Variants in GUCY1A2 observed in about 807,000 individuals in gnomAD.
The protein encoded by GUCY1A2 is guanylate cyclase 1 soluble subunit alpha 2.
Under a neutral mutation model 63.5 loss-of-function variants are expected in GUCY1A2, and 27 were observed. The observed-to-expected ratio is 0.43, with a 90% confidence interval of 0.31 to 0.59. GUCY1A2 has a LOEUF of 0.59. Among genes scored for constraint, GUCY1A2 ranks in the 20% least tolerant of loss-of-function variants. The pLI, the probability that GUCY1A2 is intolerant of heterozygous loss-of-function variation, is 0.11. For missense variants in GUCY1A2, 768 were observed against 913.3 expected (o/e 0.84, Z 2.05); for synonymous variants, 364 against 343.5 (o/e 1.06, Z -0.66).
intron 5 of GUCY1A2, among the ~76,000 whole-genome samples, chr11:106,796,783 G>A (rs1864770352): frequency 6.6e-6 from 1 of 152,040 alleles, no homozygotes; most frequent in South Asian, 2.1e-4. Context: ...GAGTATCTTT[G>A]TGGTGCTCTC....
intron 4 of GUCY1A2, among the ~76,000 whole-genome samples, chr11:106,847,780 A>G (rs1859296157): frequency 1.3e-5 from 2 of 151,694 alleles, no homozygotes; most frequent in African/African-American, 4.8e-5. Flanking sequence ...ATGGGATAAG[A>G]GGCTAAAGAA....
chr11:106,757,411 C>T (rs1863993598), intron 6 of GUCY1A2, among the ~76,000 whole-genome samples: 1 of 152,146 alleles, frequency 6.6e-6, no homozygotes, highest in Non-Finnish European at 1.5e-5. Context: ...AAGTTTTGAT[C>T]CTCTGGAGGA....
intron 7 of GUCY1A2, among the ~76,000 whole-genome samples, chr11:106,707,925 A>T (rs915004898): frequency 1.3e-5 from 2 of 152,248 alleles, no homozygotes; most frequent in South Asian, 2.1e-4. Flanking sequence ...TTGAGAACCA[A>T]CACGATACTG....
intron 7 of GUCY1A2, among the ~76,000 whole-genome samples, chr11:106,706,982 G>C (rs1862925516): frequency 6.6e-6 from 1 of 152,040 alleles, no homozygotes; most frequent in Admixed American, 6.6e-5. Flanking sequence ...CCTGAAAATA[G>C]CATATAGTTC....
chr11:106,709,543 A>G (rs1259098845), intron 6 of GUCY1A2, among the ~76,000 whole-genome samples: 3 of 58,782 alleles, frequency 5.1e-5, no homozygotes, highest in African/African-American at 3.3e-4. Context: ...ATAATATATT[A>G]TATTATTATA....
chr11:106,947,560 A>G (rs182493934), intron 3 of GUCY1A2, among the ~76,000 whole-genome samples: 3 of 152,176 alleles, frequency 2.0e-5, no homozygotes, highest in Admixed American at 6.5e-5. Context: ...GTATATGTAC[A>G]TATGTATTAT....
intron 6 of GUCY1A2, among the ~76,000 whole-genome samples, chr11:106,716,384 T>C (rs752059072): frequency 2.0e-5 from 3 of 152,178 alleles, no homozygotes; most frequent in Non-Finnish European, 4.4e-5. Flanking sequence ...AGGAGGAAGT[T>C]ATGTCCTGTT....
intron 4 of GUCY1A2, among the ~76,000 whole-genome samples, chr11:106,881,918 C>T (rs953303021): frequency 2.6e-5 from 4 of 151,792 alleles, no homozygotes; most frequent in Admixed American, 6.6e-5. Flanking sequence ...CAAATATTAT[C>T]GTAATATTTT....
chr11:106,912,196 C>G (rs1014364884), intron 4 of GUCY1A2, among the ~76,000 whole-genome samples: 2 of 151,976 alleles, frequency 1.3e-5, no homozygotes, highest in African/African-American at 4.8e-5. Flanking sequence ...TTCATATCAA[C>G]TCCCATCTTT....
Position 106,849,814 on chromosome 11 carries a change from C to A in GUCY1A2, c.1207-39336G>T, listed in dbSNP as rs556378657. On this transcript the variant is annotated intron_variant, in intron 4 of 7. Transcript: ENST00000526355. ...TATCTTGGAAAGAATTTAGGGAAAA[C>A]AGTCACAGGAAGGAGAACATAATAG... 2.1e-3 allele frequency among the ~76,000 whole-genome samples: 315 copies of A among 151,626 alleles called. 2 individuals carry two copies. Among genetic ancestry groups the A allele is most frequent in the Non-Finnish European group, 2.8e-3 (192 of 67,692 alleles).
intron 5 of GUCY1A2, among the ~76,000 whole-genome samples, chr11:106,783,540 A>G (rs187981393): frequency 2.6e-5 from 4 of 152,108 alleles, no homozygotes; most frequent in African/African-American, 9.7e-5. Context: ...CAGCAATCTT[A>G]TCAGGTTCTG....
chr11:106,900,574 C>A (rs1031572101), intron 4 of GUCY1A2, among the ~76,000 whole-genome samples: 12 of 152,094 alleles, frequency 7.9e-5, no homozygotes, highest in Admixed American at 7.9e-4. Context: ...GAATAAGACT[C>A]GTGTGTTTCT....
chr11:106,721,128 G>A (rs1863309181), intron 6 of GUCY1A2, among the ~76,000 whole-genome samples: 2 of 144,754 alleles, frequency 1.4e-5, no homozygotes, highest in Non-Finnish European at 3.0e-5. Flanking sequence ...GTGCCATCTT[G>A]GCTCACCGCA....
At chr11:106,691,504 C>G (rs1300459604) in intron 7 of GUCY1A2, among the ~76,000 whole-genome samples, 2 of 152,146 alleles carry the variant, frequency 1.3e-5, no homozygotes, top group Admixed American at 1.3e-4. Context: ...TCACCAAGAT[C>G]TTTGTTTTGC....
chr11:106,806,749 T>C (rs1158973896), intron 5 of GUCY1A2, among the ~76,000 whole-genome samples: 1 of 152,210 alleles, frequency 6.6e-6, no homozygotes, highest in Non-Finnish European at 1.5e-5. Context: ...CAGTTAAGCA[T>C]TGGAAAGGCT....
At chr11:107,001,888 G>A (rs1022938658) in intron 1 of GUCY1A2, among the ~76,000 whole-genome samples, 18 of 151,638 alleles carry the variant, frequency 1.2e-4, no homozygotes, top group African/African-American at 2.2e-4. Context: ...GCATGGTGGC[G>A]GACACCTGTA....
chr11:106,774,457 C>CT (rs1202375910), intron 6 of GUCY1A2, among the ~76,000 whole-genome samples: 5 of 152,052 alleles, frequency 3.3e-5, no homozygotes, highest in Admixed American at 6.6e-5. Flanking sequence ...ATCAATTGCT[C>CT]TTTTTCTCTG....
chr11:106,858,801 G>A (rs1859471360), intron 4 of GUCY1A2, among the ~76,000 whole-genome samples: 1 of 151,986 alleles, frequency 6.6e-6, no homozygotes, highest in Non-Finnish European at 1.5e-5. Flanking sequence ...CTTTCTTCAG[G>A]CTAAAATCTT....
intron 3 of GUCY1A2, among the ~76,000 whole-genome samples, chr11:106,955,235 G>C (rs558596063): frequency 1.4e-4 from 21 of 152,230 alleles, no homozygotes; most frequent in South Asian, 6.2e-4. Flanking sequence ...GCCTCCCAAA[G>C]TGTTGGGATT....
Sources: gnomAD v4.1 joint callset for allele counts (sites outside exome capture counted in the v4.1 genomes callset) on GRCh38, gnomAD v4.1.1 for gene constraint, MANE v1.5 for transcripts, NCBI Gene and HGNC (gene_info 2026-07-23, HGNC 2026-07-21) for gene names.